LRRC66: variants seen among roughly 807,000 people sequenced by gnomAD.
LRRC66 encodes leucine-rich repeat-containing protein 66.
In LRRC66, 29 loss-of-function variants were observed where a neutral mutation model predicts 24.6. The ratio of observed to expected loss-of-function variants is 1.18; its 90% CI spans 0.88 to 1.61. The LOEUF (loss-of-function observed/expected upper bound fraction) is 1.61. Among genes scored for constraint, LRRC66 ranks in the 40% most tolerant of loss-of-function variants. The pLI is 0.00. For synonymous variants in LRRC66, 411 were observed against 397.6 expected (o/e 1.03, Z -0.40); for missense variants, 1,124 against 1,058.0 (o/e 1.06, Z -0.87).
intron 2 of LRRC66, among the ~76,000 whole-genome samples, chr4:52,004,968 A>T (rs1453028148): frequency 6.6e-6 from 1 of 152,240 alleles, no homozygotes; most frequent in East Asian, 1.9e-4. Flanking sequence ...TACTAGTTAT[A>T]CAGAGTAGTT....
intron 4 of LRRC66, 57 bp from the exon 5 acceptor site, chr4:51,996,222 G>T (rs977590741): frequency 4.1e-6 from 6 of 1,451,862 alleles, no homozygotes; most frequent in Admixed American, 2.4e-5. Flanking sequence ...AGATTTCAGG[G>T]GTTTTTCTCT....
chr4:52,007,852 C>CTGATCTGAA (rs1169011271), intron 2 of LRRC66, among the ~76,000 whole-genome samples: 1 of 152,146 alleles, frequency 6.6e-6, no homozygotes, highest in East Asian at 1.9e-4. Context: ...TGGTGGCCTG[C>CTGATCTGAA]TGATCTGAAT....
At chr4:52,002,262 T>G (rs1485712353) in intron 3 of LRRC66, among the ~76,000 whole-genome samples, 1 of 152,234 alleles carries the variant, frequency 6.6e-6, no homozygotes, top group Non-Finnish European at 1.5e-5. Flanking sequence ...TTTTTCACTG[T>G]AGCTACTGGA....
At chr4:51,997,640 C>G in intron 4 of LRRC66, 108 bp downstream of exon 4, 1 of 958,442 alleles carries the variant, frequency 1.0e-6, no homozygotes, top group Non-Finnish European at 1.6e-6. Flanking sequence ...TGCCAAGGAT[C>G]AGCACTTTTG....
intron 2 of LRRC66, among the ~76,000 whole-genome samples, chr4:52,005,646 T>G (rs1451437026): frequency 7.0e-6 from 1 of 143,742 alleles, no homozygotes; most frequent in African/African-American, 2.5e-5. Context: ...CAAGAAGACT[T>G]TTTTTTTTTT....
Position 51,997,956 on chromosome 4 carries a change from G to A in LRRC66, c.667-19C>T. 1.3e-6 allele frequency: 2 copies of A among 1,598,782 alleles called. No homozygotes were observed. The highest frequency in any genetic ancestry group is 8.6e-7 in the Non-Finnish European group (1 of 1,168,004). Reference sequence around the variant, plus strand: ...CTATGACCTGTTTGAGAAGAAACAAGTTTAGGATGGTCTGTGGATAAAGAC... The same window carrying A: ...CTATGACCTGTTTGAGAAGAAACAAATTTAGGATGGTCTGTGGATAAAGAC... On this transcript the variant is annotated intron_variant, in intron 3 of 4. Transcript: ENST00000682860.
At chr4:52,018,180 CA>C in intron 1 of LRRC66, 1 of 985,280 alleles carries the variant, frequency 1.0e-6, no homozygotes. Context: ...TGTGACTTTT[CA>C]AATCATTATG....
chr4:52,013,015 TAGAG>T (rs1252975153), intron 2 of LRRC66, among the ~76,000 whole-genome samples: 5 of 152,214 alleles, frequency 3.3e-5, no homozygotes, highest in African/African-American at 4.8e-5. Context: ...AGAATTGGAA[TAGAG>T]TCTAGAATGG....
chr4:52,003,770 T>A (rs1736511618), intron 2 of LRRC66, among the ~76,000 whole-genome samples: 1 of 152,182 alleles, frequency 6.6e-6, no homozygotes, highest in Non-Finnish European at 1.5e-5. Flanking sequence ...TGAAGAGGGA[T>A]AAGAAAAGAA....
At chr4:52,018,300 A>G in intron 1 of LRRC66, 1 of 984,958 alleles carries the variant, frequency 1.0e-6, no homozygotes, top group Non-Finnish European at 1.2e-6. Flanking sequence ...TGTACCAAAC[A>G]TTTTTGAGAA....
rs541214787 is a variant in LRRC66, at chr4:52,014,530, T to C, written c.496+2588A>G. Among the ~76,000 whole-genome samples, 12 of 152,294 alleles carry C rather than the reference T, an allele frequency of 7.9e-5. No homozygotes were observed. In the South Asian group the frequency reaches 1.4e-3, roughly 18 times the overall value. On this transcript the variant is annotated intron_variant, in intron 2 of 4. Transcript: ENST00000682860. ...TCTTATATTATCCAGATGTCACCTA[T>C]AAATAGACTTAGAGTGAAGAATTGA...
At position 52,018,384 on chromosome 4, in the gene LRRC66, A is replaced by C. The variant is rs186856538; in HGVS notation, c.-5-766T>G. The C allele has an allele frequency of 6.6e-5, 65 of 984,584 alleles. No individual in the cohort carries two copies. The African/African-American group carries it at 1.1e-3, about 17-fold the overall frequency. 61.0% of individuals were successfully genotyped at this position (984,584 alleles called of 1,614,324 possible). On this transcript the variant is annotated intron_variant, in intron 1 of 4. Coordinates refer to ENST00000682860, the MANE Select transcript of LRRC66 (RefSeq NM_001024611.3). ...ATGTATCACAAAAATAAGTTTAAAA[A>C]TGGGTAATTTTTGTGATTTGTTTTA...
chr4:52,018,453 A>G (rs1560563819), intron 1 of LRRC66: 9 of 985,220 alleles, frequency 9.1e-6, no homozygotes, highest in Non-Finnish European at 1.1e-5. Context: ...AAATAATCAC[A>G]TTATTGAGTA....
intron 2 of LRRC66, among the ~76,000 whole-genome samples, chr4:52,008,256 G>T (rs1417378079): frequency 1.3e-5 from 2 of 152,076 alleles, no homozygotes; most frequent in African/African-American, 2.4e-5. Context: ...CAGAAAAAGA[G>T]CTCCTGATTA....
intron 2 of LRRC66, among the ~76,000 whole-genome samples, chr4:52,010,259 G>A (rs146900349): frequency 6.6e-6 from 1 of 152,246 alleles, no homozygotes; most frequent in East Asian, 1.9e-4. Context: ...ATTCTACACA[G>A]CAATGAAAAG....
intron 2 of LRRC66, among the ~76,000 whole-genome samples, chr4:52,004,255 G>C (rs764566234): frequency 6.6e-6 from 1 of 152,122 alleles, no homozygotes; most frequent in Non-Finnish European, 1.5e-5. Context: ...GTGATCCACC[G>C]CCTTGGCCTC....
Position 51,995,313 on chromosome 4 carries a change from C to G in LRRC66, c.1709G>C (p.Arg570Pro). 6.2e-7 allele frequency: 1 copy of G among 1,614,172 alleles called. No homozygotes were observed. Among genetic ancestry groups the G allele is most frequent in the Non-Finnish European group, 8.5e-7 (1 of 1,180,034 alleles). Reference protein sequence around the residue: ...GTSHAVSGSSRYDSNELDPSL... With the variant: ...GTSHAVSGSSPYDSNELDPSL... ...AGGGTCTAATTCATTGGAATCATAA[C>G]GGCTTGAGCCAGAGACAGCGTGAGA... The change falls in exon 5 of 5, where the codon CGT becomes CCT. Residue 570 changes from arginine to proline, a missense_variant. By Grantham distance (103) the Arg-to-Pro change is moderately radical. Transcript: ENST00000682860.
rs200281636 is a variant in LRRC66, at chr4:51,994,920, C to A, written c.2102G>T (p.Ser701Ile). 2 of 1,614,166 alleles carry A rather than the reference C, an allele frequency of 1.2e-6. No individual in the cohort carries two copies. The highest frequency in any genetic ancestry group is 1.1e-5 in the South Asian group (1 of 91,086). ...TPSDTCCELE[S>I]DCDSDEGSLF... ...AGACCCCTCATCAGAGTCACAGTCA[C>A]TCTCCAACTCACAGCAAGTGTCAGA... is the stretch of plus-strand genomic sequence containing the variant. The change falls in exon 5 of 5, where the codon AGT becomes ATT. Residue 701 changes from serine (S) to isoleucine (I), a missense_variant. Ser to Ile is a moderately radical substitution (Grantham distance 142). Transcript: ENST00000682860.
At chr4:51,997,067 G>C (rs1365212037) in intron 4 of LRRC66, among the ~76,000 whole-genome samples, 1 of 152,142 alleles carries the variant, frequency 6.6e-6, no homozygotes, top group Non-Finnish European at 1.5e-5. Flanking sequence ...GTCCTGAATA[G>C]AACAGAATCT....
Sources: gnomAD v4.1 joint callset for allele counts (sites outside exome capture counted in the v4.1 genomes callset) on GRCh38, gnomAD v4.1.1 for gene constraint, MANE v1.5 for transcripts, NCBI Gene and HGNC (gene_info 2026-07-23, HGNC 2026-07-21) for gene names.